MIA2: variants seen among roughly 807,000 people sequenced by gnomAD.
MIA2 encodes the protein melanoma inhibitory activity protein 2.
Under a neutral mutation model 167.8 loss-of-function variants are expected in MIA2, and 127 were observed. The ratio of observed to expected loss-of-function variants is 0.76; its 90% CI spans 0.66 to 0.88. The LOEUF (loss-of-function observed/expected upper bound fraction) is 0.88, where lower values mean the gene tolerates loss of function less well. Ranked by LOEUF, MIA2 falls within the 40% of genes least tolerant of loss-of-function variation. MIA2 has a pLI of 0.00. For synonymous variants in MIA2, 552 were observed against 541.9 expected, an observed-to-expected ratio of 1.02 and a Z score of -0.26; for missense variants, 1,690 against 1,624.7, an observed-to-expected ratio of 1.04 and a Z score of -0.69.
At chr14:39,365,303 T>C (rs1455319203) in intron 23 of MIA2, among the ~76,000 whole-genome samples, 1 of 152,162 alleles carries the variant, frequency 6.6e-6, no homozygotes, top group Non-Finnish European at 1.5e-5. Context: ...TGACCTCAAG[T>C]GATCTGCCTG....
At chr14:39,384,733 T>TG (rs747176806) in intron 23 of MIA2, among the ~76,000 whole-genome samples, 279 of 152,240 alleles carry the variant, frequency 1.8e-3, no homozygotes, top group Non-Finnish European at 3.4e-3. Flanking sequence ...TCACAGCCAG[T>TG]CCTCTCACCT....
rs904617624 is a variant in MIA2 at position 39,306,459 on chromosome 14, C to G, written c.2879-1990C>G. ...GGAGGTGTTACACACTTTAAAACAA[C>G]CAGATCTCATGAGAACTCTATCATC... On this transcript the variant is annotated intron_variant, in intron 17 of 28. Transcript: ENST00000640607. Among the ~76,000 whole-genome samples, 5 of 152,060 alleles carry G rather than the reference C, an allele frequency of 3.3e-5. No homozygotes were observed. In the East Asian group the frequency reaches 7.7e-4, roughly 23 times the overall value.
chr14:39,275,006 C>T (rs1189303084), intron 6 of MIA2, among the ~76,000 whole-genome samples: 6 of 148,720 alleles, frequency 4.0e-5, no homozygotes, highest in South Asian at 2.1e-4. Flanking sequence ...ACCCAGGAGA[C>T]GGAGGTTGCA....
intron 23 of MIA2, among the ~76,000 whole-genome samples, chr14:39,319,718 A>G (rs949838374): frequency 1.3e-5 from 2 of 152,126 alleles, no homozygotes; most frequent in Non-Finnish European, 2.9e-5. Flanking sequence ...CTAATTATTT[A>G]AAAGTATCAA....
At chr14:39,320,433 A>T (rs889906235) in intron 23 of MIA2, among the ~76,000 whole-genome samples, 17 of 152,154 alleles carry the variant, frequency 1.1e-4, no homozygotes, top group African/African-American at 3.9e-4. Context: ...ATCTTGCTTC[A>T]GAGTATTTTA....
chr14:39,242,324 A>ATTTTT (rs56734587), intron 3 of MIA2, among the ~76,000 whole-genome samples: 1 of 141,290 alleles, frequency 7.1e-6, no homozygotes, highest in East Asian at 2.1e-4. Context: ...TACTTATTGC[A>ATTTTT]TTTTTTTTTT....
chr14:39,237,567 T>C (rs1037220230), intron 2 of MIA2, among the ~76,000 whole-genome samples: 1 of 152,322 alleles, frequency 6.6e-6, no homozygotes, highest in Non-Finnish European at 1.5e-5. Context: ...AAAGAGGCTT[T>C]TTGGGAAGGC....
At chr14:39,280,048 GTGTGT>G (rs2058696032) in intron 9 of MIA2, among the ~76,000 whole-genome samples, 2 of 85,542 alleles carry the variant, frequency 2.3e-5, no homozygotes, top group African/African-American at 6.4e-5. Context: ...AGTTGAGGGT[GTGTGT>G]GTGTGTGTGT....
Position 39,302,038 on chromosome 14 carries a change from AT to A in MIA2, c.2620-86del, listed in dbSNP as rs548765741. 6.0e-5 allele frequency: 85 copies of A among 1,407,086 alleles called. No individual in the cohort carries two copies. In the South Asian group the frequency reaches 1.1e-3, roughly 17 times the overall value. The allele number at this position is 1,407,086 out of a possible 1,614,324, so 87.2% of individuals were successfully genotyped here. A position where few individuals can be genotyped will look rare whatever the true frequency, so the allele number is the denominator to read the frequency against. Reference sequence around the variant, plus strand: ...CTTGTGTTGTTATTTATGTGGACTGATTTTTAAACTATAACTGTACATTCAC... The same window carrying A: ...CTTGTGTTGTTATTTATGTGGACTGATTTTAAACTATAACTGTACATTCAC... On this transcript the variant is annotated intron_variant, in intron 14 of 28. Transcript: ENST00000640607.
chr14:39,252,778 G>A lies in MIA2; in HGVS notation c.1598G>A (p.Arg533Lys), dbSNP rs2054638645. ...DMVSNIELPT[R>K]IHEEVYFEPS... is the part of the protein sequence containing the mutation. ...GTCTCTAACATAGAGTTACCTACGAGAATTCACGAAGAAGTATATTTTGAA... is the reference window on the plus strand; with the variant it reads ...GTCTCTAACATAGAGTTACCTACGAAAATTCACGAAGAAGTATATTTTGAA... The change falls in exon 5 of 29, where the codon AGA (arginine) becomes AAA (lysine). Residue 533 changes from arginine to lysine, a missense_variant. Arg to Lys is a conservative substitution (Grantham distance 26). Coordinates refer to ENST00000640607, the MANE Select transcript of MIA2 (RefSeq NM_001329214.4). The A allele has an allele frequency of 6.2e-7, 1 of 1,613,104 alleles. No homozygotes were observed. The highest frequency in any genetic ancestry group is 1.1e-5 in the South Asian group (1 of 91,012).
intron 14 of MIA2, among the ~76,000 whole-genome samples, chr14:39,301,110 G>C (rs1168479033): frequency 1.3e-5 from 2 of 151,170 alleles, no homozygotes; most frequent in Non-Finnish European, 1.5e-5. Flanking sequence ...ACCTAGGCTG[G>C]AGTGCAATGG....
downstream of MIA2, among the ~76,000 whole-genome samples, chr14:39,356,244 C>G (rs1341606044): frequency 3.2e-4 from 49 of 152,128 alleles, no homozygotes; most frequent in Admixed American, 3.1e-3. Context: ...TGTTATTGGT[C>G]TATTCAGAGA....
chr14:39,325,959 C>T (rs1249198874), intron 24 of MIA2, among the ~76,000 whole-genome samples: 2 of 152,132 alleles, frequency 1.3e-5, no homozygotes, highest in African/African-American at 4.8e-5. Context: ...GGTGGTCCAC[C>T]CTCCTCGACC....
chr14:39,295,118 G>GTT (rs1266563272), intron 13 of MIA2, 89 bp downstream of exon 13: 2 of 869,968 alleles, frequency 2.3e-6, no homozygotes, highest in Non-Finnish European at 3.8e-6. Context: ...CTAGGGACAA[G>GTT]TATAGGCTTT....
chr14:39,338,185 G>A (rs1377416782), intron 25 of MIA2, among the ~76,000 whole-genome samples: 1 of 152,142 alleles, frequency 6.6e-6, no homozygotes, highest in East Asian at 1.9e-4. Flanking sequence ...GAGTGGTAGT[G>A]ATTACATAAA....
At position 39,385,324 on chromosome 14, in the gene MIA2, TA is replaced by T. The variant is rs149444734; in HGVS notation, c.2249-1551del. On this transcript the variant is annotated intron_variant, in intron 23 of 23. Coordinates refer to the MIA2 transcript ENST00000341502. The stretch of plus-strand genomic sequence containing the variant: ...ATCCACACAACTTCCAAATCCTCTT[TA>T]AAAAAAAAAGTTCAGGTTATACTCA... The T allele has an allele frequency of 2.3e-3, 1,528 of 650,966 alleles. 3 individuals are homozygous for T. Among genetic ancestry groups the T allele is most frequent in the South Asian group, 4.7e-3 (256 of 54,108 alleles). The allele number at this position is 650,966 out of a possible 1,614,324, so 40.3% of individuals were successfully genotyped here.
At chr14:39,345,410 A>G (rs1030426758) in intron 25 of MIA2, among the ~76,000 whole-genome samples, 1 of 152,282 alleles carries the variant, frequency 6.6e-6, no homozygotes, top group Non-Finnish European at 1.5e-5. Context: ...TAAATTCCAA[A>G]ACGTCAATAT....
At chr14:39,238,298 G>A (rs188955200) in intron 2 of MIA2, among the ~76,000 whole-genome samples, 6 of 151,580 alleles carry the variant, frequency 4.0e-5, no homozygotes, top group African/African-American at 1.2e-4. Flanking sequence ...TCAGCCTCCC[G>A]AGTAGCTGGG....
At chr14:39,266,389 C>G in intron 6 of MIA2, 1 of 985,406 alleles carries the variant, frequency 1.0e-6, no homozygotes, top group African/African-American at 1.7e-5. Context: ...CAAGGTGCTA[C>G]TTTTAGCTCC....
Sources: allele counts gnomAD v4.1 joint callset (sites outside exome capture counted in the v4.1 genomes callset), GRCh38; gene constraint gnomAD v4.1.1; transcripts MANE v1.5; gene names NCBI Gene and HGNC (gene_info 2026-07-23, HGNC 2026-07-21).